CCDC14: variants seen among roughly 807,000 people sequenced by gnomAD.
CCDC14 encodes coiled-coil domain-containing protein 14.
In CCDC14, 71 loss-of-function variants were observed where a neutral mutation model predicts 81.4. The ratio of observed to expected loss-of-function variants is 0.87; its 90% confidence interval spans 0.72 to 1.06. CCDC14 has a LOEUF of 1.06. CCDC14 is among the 50% of genes least tolerant of loss of function. The probability of loss-of-function intolerance (pLI) is 0.00; values close to 1 mark genes in which losing one functional copy is unlikely to be tolerated. For missense variants in CCDC14, 1,046 were observed against 1,047.3 expected, an observed-to-expected ratio of 1.00 and a Z score of 0.02; for synonymous variants, 332 against 364.8, an observed-to-expected ratio of 0.91 and a Z score of 1.03.
intron 9 of CCDC14, among the ~76,000 whole-genome samples, chr3:123,935,531 A>C (rs1190639880): frequency 6.6e-6 from 1 of 152,232 alleles, no homozygotes; most frequent in African/African-American, 2.4e-5. Flanking sequence ...AATGCTACAT[A>C]AATTATGGTA....
At chr3:123,896,537 G>A (rs1194619624), downstream of CCDC14, among the ~76,000 whole-genome samples, 1 of 152,088 alleles carries the variant, frequency 6.6e-6, no homozygotes, top group East Asian at 1.9e-4. Context: ...CATGAAATAA[G>A]CCAGGCACAG....
chr3:123,960,884 G>A (rs1309922828), intron 1 of CCDC14, among the ~76,000 whole-genome samples: 2 of 152,212 alleles, frequency 1.3e-5, no homozygotes, highest in South Asian at 2.1e-4. Flanking sequence ...CAGCGGCGAA[G>A]GCTGGGACTC....
chr3:123,956,132 C>T lies in CCDC14; in HGVS notation c.160-17G>A. 6.5e-7 allele frequency: 1 copy of T among 1,532,074 alleles called. No individual in the cohort carries two copies. Among genetic ancestry groups the T allele is most frequent in the Non-Finnish European group, 8.8e-7 (1 of 1,139,094 alleles). 94.9% of individuals were successfully genotyped at this position (1,532,074 alleles called of 1,614,324 possible). On this transcript the variant is annotated splice_polypyrimidine_tract_variant and intron_variant, in intron 3 of 12. Coordinates refer to ENST00000409697, the MANE Select transcript of CCDC14 (RefSeq NM_001366335.1). ...AGTTTCAGCCTGTAAGAAATAAAGT[C>T]ATTTAGAATACATTTGTATATGACT...
Position 123,900,293 on chromosome 3 carries a change from C to T in CCDC14, c.668-2680G>A, listed in dbSNP as rs370171262. 3.1e-4 allele frequency among the ~76,000 whole-genome samples: 47 copies of T among 152,296 alleles called. No homozygotes were observed. In the East Asian group the frequency reaches 3.3e-3, roughly 11 times the overall value. On this transcript the variant is annotated intron_variant, in intron 5 of 5. Transcript: ENST00000479903. ...TGAATTATCCCAGCATGTTTTATAA[C>T]GGTCTCCCACACACCCATGTACCCA...
intron 5 of CCDC14, among the ~76,000 whole-genome samples, chr3:123,898,881 G>GTT (rs1491494224): frequency 7.4e-4 from 43 of 58,302 alleles, no homozygotes; most frequent in African/African-American, 4.9e-3. Flanking sequence ...TGTTTGTTTG[G>GTT]TTGTTTTTTT....
intron 12 of CCDC14, among the ~76,000 whole-genome samples, chr3:123,916,930 C>T (rs953867363): frequency 2.6e-5 from 4 of 151,880 alleles, no homozygotes; most frequent in Non-Finnish European, 5.9e-5. Flanking sequence ...CAAGCTCTGC[C>T]TTCTGGGTTC....
At chr3:123,907,519 G>T (rs2148765712) in intron 5 of CCDC14, among the ~76,000 whole-genome samples, 1 of 149,058 alleles carries the variant, frequency 6.7e-6, no homozygotes, top group East Asian at 2.0e-4. Context: ...ACCAGCCTGG[G>T]AAAGATGGTG....
intron 12 of CCDC14, among the ~76,000 whole-genome samples, chr3:123,926,423 A>T (rs2035364270): frequency 6.6e-6 from 1 of 151,706 alleles, no homozygotes; most frequent in Admixed American, 6.6e-5. Context: ...TAACAAATGC[A>T]GGGTTCTTTC....
intron 2 of CCDC14, 112 bp from the exon 3 acceptor site, chr3:123,956,539 T>C (rs1181290481): frequency 6.1e-6 from 5 of 814,430 alleles, no homozygotes; most frequent in Non-Finnish European, 7.8e-6. Context: ...ATGTACAAGA[T>C]GAATTTATAA....
intron 1 of CCDC14, among the ~76,000 whole-genome samples, chr3:123,960,388 T>C (rs1324457662): frequency 1.3e-5 from 2 of 152,192 alleles, no homozygotes; most frequent in African/African-American, 4.8e-5. Context: ...CTAGGTAAAA[T>C]GTTTAAAAGA....
At chr3:123,946,341 G>C (rs2036624051) in intron 8 of CCDC14, among the ~76,000 whole-genome samples, 1 of 152,024 alleles carries the variant, frequency 6.6e-6, no homozygotes, top group African/African-American at 2.4e-5. Flanking sequence ...ACTGAAAAGG[G>C]CATAAGAAGG....
chr3:123,944,959 T>A lies in CCDC14; in HGVS notation c.1233A>T (p.Glu411Asp), dbSNP rs1304069104. The A allele has an allele frequency of 6.2e-7, 1 of 1,606,184 alleles. No homozygotes were observed. The highest frequency in any genetic ancestry group is 8.5e-7 in the Non-Finnish European group (1 of 1,174,646). Residue 411 changes from glutamate (E) to aspartate (D), a missense_variant, in exon 9 of 13, where the codon GAA becomes GAT. Glu to Asp is a conservative substitution (Grantham distance 45). Coordinates refer to ENST00000409697, the MANE Select transcript of CCDC14 (RefSeq NM_001366335.1). Reference sequence around the variant, plus strand: ...GAAGTACAGATATACATGCCTCCATTTCTGTAATCAACCTCTGAATTTCTG... The same window carrying A: ...GAAGTACAGATATACATGCCTCCATATCTGTAATCAACCTCTGAATTTCTG... ...EDSEIQRLIT[E>D]MEACISVLPT...
chr3:123,889,453 C>T, the CCDC14 span, among the ~76,000 whole-genome samples: 1 of 152,120 alleles, frequency 6.6e-6, no homozygotes, highest in Non-Finnish European at 1.5e-5. Flanking sequence ...AAAGGGGCTA[C>T]AGGCCTCATG....
intron 12 of CCDC14, among the ~76,000 whole-genome samples, chr3:123,926,129 T>A (rs761158457): frequency 6.6e-6 from 1 of 152,162 alleles, no homozygotes; most frequent in African/African-American, 2.4e-5. Context: ...TTACTGTTGC[T>A]ATAGATAAAA....
At chr3:123,896,976 C>A (rs1447336491), downstream of CCDC14, among the ~76,000 whole-genome samples, 1 of 152,092 alleles carries the variant, frequency 6.6e-6, no homozygotes, top group Non-Finnish European at 1.5e-5. Context: ...ATTGTTATCA[C>A]TTTAGATCAG....
In CCDC14 at chr3:123,902,485, A is replaced by G. The variant is rs180682331; in HGVS notation, c.668-4872T>C. Among the ~76,000 whole-genome samples the G allele has an allele frequency of 3.4e-3, 525 of 152,348 alleles. 4 individuals are homozygous for G. Among genetic ancestry groups the G allele is most frequent in the African/African-American group, 0.012 (488 of 41,588 alleles). ...TAAAAATCAAACCTGAATCTGATCA[A>G]GCTTTTAGATTCCATTAACAATTCA... On this transcript the variant is annotated intron_variant, in intron 5 of 5. Coordinates refer to the CCDC14 transcript ENST00000479903.
intron 9 of CCDC14, among the ~76,000 whole-genome samples, chr3:123,934,113 AAAT>A (rs1288404053): frequency 6.6e-6 from 1 of 151,926 alleles, no homozygotes; most frequent in African/African-American, 2.4e-5. Flanking sequence ...TCTCTACTAA[AAAT>A]ACAAAAATTA....
At chr3:123,925,636 A>G (rs147052195) in intron 12 of CCDC14, among the ~76,000 whole-genome samples, 1 of 152,134 alleles carries the variant, frequency 6.6e-6, no homozygotes, top group African/African-American at 2.4e-5. Context: ...GGGTTTTACC[A>G]TGTTGGCCAG....
chr3:123,914,232 G>A lies in CCDC14; in HGVS notation c.*547C>T. 1 of 984,188 alleles carries A rather than the reference G, an allele frequency of 1.0e-6. No individual in the cohort carries two copies. Among genetic ancestry groups the A allele is most frequent in the Non-Finnish European group, 1.2e-6 (1 of 828,556 alleles). The allele number at this position is 984,188 out of a possible 1,614,324, so 61.0% of individuals were successfully genotyped here. ...TAGGATGTTATCTATATATTTTTTAGACCAATCAATGTTTTTTAAGAGGTG... is the reference window on the plus strand; with the variant it reads ...TAGGATGTTATCTATATATTTTTTAAACCAATCAATGTTTTTTAAGAGGTG... On this transcript the variant is annotated 3_prime_UTR_variant, in exon 13 of 13. Transcript: ENST00000409697.
Sources: gnomAD v4.1 joint callset for allele counts (sites outside exome capture counted in the v4.1 genomes callset) on GRCh38, gnomAD v4.1.1 for gene constraint, MANE v1.5 for transcripts, NCBI Gene and HGNC (gene_info 2026-07-23, HGNC 2026-07-21) for gene names.